The following FRMD5 variants were observed in gnomAD, a reference collection of about 807,000 sequenced individuals.
The protein encoded by FRMD5 is FERM domain containing 5.
In FRMD5, 20 loss-of-function variants were observed where a neutral mutation model predicts 69.0. The observed-to-expected ratio is 0.29, with a 90% confidence interval of 0.20 to 0.42. The LOEUF is 0.42. FRMD5 is among the 10% of genes least tolerant of loss of function. The pLI is 1.00. For synonymous variants in FRMD5, 271 were observed against 260.1 expected (o/e 1.04, Z -0.40); for missense variants, 595 against 708.6 (o/e 0.84, Z 1.82).
chr15:44,177,972 T>G (rs1326184527), intron 1 of FRMD5, among the ~76,000 whole-genome samples: 1 of 152,186 alleles, frequency 6.6e-6, no homozygotes, highest in Non-Finnish European at 1.5e-5. Context: ...TTCATAGAAC[T>G]GTACAGCTAA....
chr15:44,179,925 G>A (rs1204100352), intron 1 of FRMD5, among the ~76,000 whole-genome samples: 2 of 152,068 alleles, frequency 1.3e-5, no homozygotes, highest in Non-Finnish European at 2.9e-5. Flanking sequence ...TATAATCCCA[G>A]CCACTTCGGA....
Position 44,053,570 on chromosome 15 carries a change from G to A in FRMD5, c.103-129261C>T, listed in dbSNP as rs150381375. Among the ~76,000 whole-genome samples, 167 of 152,236 alleles carry A rather than the reference G, an allele frequency of 1.1e-3. 2 individuals carry two copies. Among genetic ancestry groups the A allele is most frequent in the African/African-American group, 3.7e-3 (154 of 41,540 alleles). ...TGAGTTATGTAGGAAGCAAAATTGA[G>A]AAGACTCTGTGACATACTGGATATG... On this transcript the variant is annotated intron_variant, in intron 1 of 13. Coordinates refer to ENST00000417257, the MANE Select transcript of FRMD5 (RefSeq NM_032892.5).
At chr15:44,102,908 G>T (rs2076660263) in intron 1 of FRMD5, among the ~76,000 whole-genome samples, 3 of 152,192 alleles carry the variant, frequency 2.0e-5, no homozygotes, top group African/African-American at 4.8e-5. Context: ...CTGAGGCTTG[G>T]AGACCTAAAA....
intron 1 of FRMD5, among the ~76,000 whole-genome samples, chr15:44,108,034 T>A (rs1408652721): frequency 6.6e-6 from 1 of 152,150 alleles, no homozygotes; most frequent in Non-Finnish European, 1.5e-5. Context: ...GTAAACAAAT[T>A]ATAGACTAAA....
rs140350149 is a variant in FRMD5 at position 43,923,605 on chromosome 15, C to A, written c.207+600G>T. The stretch of plus-strand genomic sequence containing the variant: ...GTATTACTGTCTGGCGGGACCACAG[C>A]AGGTTGGGGAGATGAAGCTGGAGAA... On this transcript the variant is annotated intron_variant, in intron 2 of 13. Transcript: ENST00000417257. 7.2e-3 allele frequency among the ~76,000 whole-genome samples: 1,100 copies of A among 152,248 alleles called. 10 individuals carry two copies. Among genetic ancestry groups the A allele is most frequent in the African/African-American group, 0.025 (1,047 of 41,526 alleles).
chr15:43,874,341 A>G lies in FRMD5; in HGVS notation c.1257T>C (p.Ile419=). The G allele has an allele frequency of 6.2e-7, 1 of 1,614,222 alleles. No homozygotes were observed. Among genetic ancestry groups the G allele is most frequent in the Admixed American group, 1.7e-5 (1 of 60,018 alleles). ...CTGCAGGGCTGTAGGCCTCGTCTGC[A>G]ATCACAGCTACTCGCTCATTGCTAT... ...RTDSNERVAV[I]ADEAYSPADS... is the part of the protein sequence containing the mutation. The change falls in exon 14 of 14, where the codon ATT becomes ATC. Residue 419 remains isoleucine (I), a synonymous_variant. Transcript: ENST00000417257.
At chr15:44,164,836 C>T (rs777865335) in intron 1 of FRMD5, among the ~76,000 whole-genome samples, 64 of 152,276 alleles carry the variant, frequency 4.2e-4, no homozygotes, top group African/African-American at 1.5e-3. Flanking sequence ...AAGACAGCTG[C>T]ACCACCAGTA....
At chr15:43,951,980 T>TGTTGTG (rs1443393652) in intron 1 of FRMD5, among the ~76,000 whole-genome samples, 1 of 107,710 alleles carries the variant, frequency 9.3e-6, no homozygotes, top group African/African-American at 7.0e-5. Context: ...TGTGTGTGTG[T>TGTTGTG]TGTGTGTGTG....
At chr15:43,980,233 T>C (rs1279100502) in intron 1 of FRMD5, among the ~76,000 whole-genome samples, 1 of 152,204 alleles carries the variant, frequency 6.6e-6, no homozygotes, top group African/African-American at 2.4e-5. Context: ...AAAATCTACC[T>C]CTGCTTAAAT....
intron 1 of FRMD5, among the ~76,000 whole-genome samples, chr15:44,048,101 C>G (rs544889973): frequency 6.6e-5 from 10 of 152,226 alleles, no homozygotes; most frequent in Admixed American, 1.3e-4. Context: ...CACATGGTAA[C>G]TCTATAAACA....
At chr15:43,984,182 G>A (rs746598643) in intron 1 of FRMD5, among the ~76,000 whole-genome samples, 4 of 152,094 alleles carry the variant, frequency 2.6e-5, no homozygotes, top group East Asian at 1.9e-4. Context: ...TCCTTAGTGC[G>A]TCTCTCAGAA....
chr15:43,934,112 T>C (rs1481107548), intron 1 of FRMD5, among the ~76,000 whole-genome samples: 1 of 152,194 alleles, frequency 6.6e-6, no homozygotes, highest in Non-Finnish European at 1.5e-5. Context: ...GCCTTCTCCT[T>C]TCTCTCCTTT....
intron 5 of FRMD5, among the ~76,000 whole-genome samples, chr15:43,907,552 G>A (rs2089202572): frequency 6.7e-6 from 1 of 148,488 alleles, no homozygotes; most frequent in African/African-American, 2.5e-5. Flanking sequence ...TTGAGACAGA[G>A]TCTGGCTCTG....
chr15:43,912,547 T>C (rs933587730), intron 4 of FRMD5, among the ~76,000 whole-genome samples: 1 of 151,966 alleles, frequency 6.6e-6, no homozygotes, highest in Admixed American at 6.6e-5. Flanking sequence ...ACGTCTTCCA[T>C]GTTTCTCTGC....
At chr15:43,921,784 G>C (rs1183026062) in intron 2 of FRMD5, among the ~76,000 whole-genome samples, 1 of 152,212 alleles carries the variant, frequency 6.6e-6, no homozygotes, top group Non-Finnish European at 1.5e-5. Context: ...ACAAAGCAGA[G>C]GCCAAGAGAA....
At chr15:44,079,078 AC>A (rs1215010688) in intron 1 of FRMD5, among the ~76,000 whole-genome samples, 6 of 152,132 alleles carry the variant, frequency 3.9e-5, no homozygotes, top group Non-Finnish European at 7.4e-5. Context: ...ATAACAAAAA[AC>A]ATCCCAATTA....
intron 1 of FRMD5, among the ~76,000 whole-genome samples, chr15:43,968,124 A>G (rs1419100079): frequency 6.6e-6 from 1 of 152,166 alleles, no homozygotes; most frequent in Non-Finnish European, 1.5e-5. Context: ...CATACACAAA[A>G]GTGTATGAAC....
chr15:43,878,936 T>C (rs911813941), intron 13 of FRMD5, among the ~76,000 whole-genome samples: 10 of 142,016 alleles, frequency 7.0e-5, no homozygotes, highest in Admixed American at 2.1e-4. Context: ...TCTTTTCTTT[T>C]TTTTTTTTTT....
At chr15:43,958,429 G>A (rs1218334415) in intron 1 of FRMD5, among the ~76,000 whole-genome samples, 1 of 152,014 alleles carries the variant, frequency 6.6e-6, no homozygotes, top group East Asian at 1.9e-4. Flanking sequence ...TTGTTTTTTT[G>A]TTTTTTTGTT....
Sources: gnomAD v4.1 joint callset for allele counts (sites outside exome capture counted in the v4.1 genomes callset) on GRCh38, gnomAD v4.1.1 for gene constraint, MANE v1.5 for transcripts, NCBI Gene and HGNC (gene_info 2026-07-23, HGNC 2026-07-21) for gene names.